NAIF1: variants seen among roughly 807,000 people sequenced by gnomAD.
NAIF1 encodes nuclear apoptosis-inducing factor 1.
In NAIF1, 14 loss-of-function variants were observed where a neutral mutation model predicts 20.7. The ratio of observed to expected loss-of-function variants is 0.67; its 90% CI spans 0.45 to 1.05. The LOEUF is 1.05. Among genes scored for constraint, NAIF1 ranks in the 50% least tolerant of loss-of-function variants. The pLI, the probability that NAIF1 is intolerant of heterozygous loss-of-function variation, is 0.00. For synonymous variants in NAIF1, 191 were observed against 191.4 expected (o/e 1.00, Z 0.02); for missense variants, 362 against 448.8 (o/e 0.81, Z 1.75).
chr9:128,061,697 T>C lies in NAIF1; in HGVS notation c.*1731A>G, dbSNP rs1832719964. On this transcript the variant is annotated 3_prime_UTR_variant, in exon 2 of 2. Coordinates refer to ENST00000373078, the MANE Select transcript of NAIF1 (RefSeq NM_197956.4). The stretch of plus-strand genomic sequence containing the variant: ...TCGTGCCCAGGAGGGCAGCGTCTTC[T>C]CTTTTTAGCTGAGGTCTGGAGCCCT... 6.6e-6 allele frequency: 1 copy of C among 152,222 alleles called. No individual in the cohort carries two copies. Among genetic ancestry groups the C allele is most frequent in the African/African-American group, 2.4e-5 (1 of 41,444 alleles). The allele number at this position is 152,222 out of a possible 1,614,324, so 9.4% of individuals were successfully genotyped here. A position where few individuals can be genotyped will look rare whatever the true frequency, so the allele number is the denominator to read the frequency against.
chr9:128,063,305 G>T lies in NAIF1; in HGVS notation c.*123C>A. The T allele has an allele frequency of 1.2e-6, 1 of 859,896 alleles. No individual in the cohort carries two copies. The highest frequency in any genetic ancestry group is 1.7e-5 in the South Asian group (1 of 60,080). The allele number at this position is 859,896 out of a possible 1,614,324, so 53.3% of individuals were successfully genotyped here. ...TTCTCAAAAACAGTGCAACCCCTAA[G>T]CGTTTATTAAAGAGGGAGCTGTGCA... On this transcript the variant is annotated 3_prime_UTR_variant, in exon 2 of 2. Coordinates refer to ENST00000373078, the MANE Select transcript of NAIF1 (RefSeq NM_197956.4). The surrounding 1 kb of genome is among the most constrained non-coding windows in gnomAD (Gnocchi z 4.3).
chr9:128,061,239 T>C lies in NAIF1; in HGVS notation c.*2189A>G, dbSNP rs941590614. ...CAATAAAGACACAGAGATGTGTGTA[T>C]AAAAAAGTGATATGTCTTTAATTTA... On this transcript the variant is annotated 3_prime_UTR_variant, in exon 2 of 2. Transcript: ENST00000373078. 2.0e-5 allele frequency: 3 copies of C among 152,060 alleles called. No homozygotes were observed. Among genetic ancestry groups the C allele is most frequent in the African/African-American group, 7.2e-5 (3 of 41,396 alleles). 9.4% of individuals were successfully genotyped at this position (152,060 alleles called of 1,614,324 possible). A position where few individuals can be genotyped will look rare whatever the true frequency, so the allele number is the denominator to read the frequency against.
chr9:128,063,684 A>T lies in NAIF1; in HGVS notation c.728T>A (p.Ile243Asn). Residue 243 changes from isoleucine (I) to asparagine (N), a missense_variant, in exon 2 of 2, where the codon ATC becomes AAC. This residue lies in a region of NAIF1 where 300 missense variants were observed against 342.7 expected (regional missense o/e 0.88). Transcript: ENST00000373078. The surrounding 1 kb of genome is among the most constrained non-coding windows in gnomAD (Gnocchi z 4.3). ...GTTCTGCTGTTCCAGGTGCTGTGCG[A>T]TCTCCTTCACATGCAGGTTGGTGAC... ...QRVTNLHVKEIAQHLEQQNDL... is the reference protein window; with the variant it reads ...QRVTNLHVKENAQHLEQQNDL... 6.2e-7 allele frequency: 1 copy of T among 1,614,204 alleles called. No individual in the cohort carries two copies. Among genetic ancestry groups the T allele is most frequent in the Non-Finnish European group, 8.5e-7 (1 of 1,180,044 alleles).
At position 128,063,519 on chromosome 9, in the gene NAIF1, C is replaced by A. The variant is rs752993381; in HGVS notation, c.893G>T (p.Arg298Leu). The A allele has an allele frequency of 1.2e-6, 2 of 1,609,908 alleles. No individual in the cohort carries two copies. Among genetic ancestry groups the A allele is most frequent in the Non-Finnish European group, 1.7e-6 (2 of 1,180,018 alleles). The change falls in exon 2 of 2, where the codon CGC (arginine) becomes CTC (leucine). Residue 298 changes from arginine to leucine, a missense_variant. This residue lies in a region of NAIF1 where 300 missense variants were observed against 342.7 expected (regional missense o/e 0.88). Coordinates refer to ENST00000373078, the MANE Select transcript of NAIF1 (RefSeq NM_197956.4). This position sits in a 1 kb window ranked among gnomAD's most constrained non-coding sequence, Gnocchi z 4.3. ...GTTAGCTGTGTTGCTCTGCAGGTAG[C>A]GGCGGAAATCTTTGATCATAGGCCG... ...VLRPMIKDFR[R>L]YLQSNTANPA...
intron 1 of NAIF1, among the ~76,000 whole-genome samples, chr9:128,064,735 G>C (rs1446658855): frequency 1.3e-5 from 2 of 151,934 alleles, no homozygotes; most frequent in Non-Finnish European, 2.9e-5. Flanking sequence ...GGGCGCGGTG[G>C]CTCACGCTTG....
At position 128,061,276 on chromosome 9, in the gene NAIF1, C is replaced by T. The variant is rs1004268382; in HGVS notation, c.*2152G>A. ...ATGTCTTTAATTTAAAATTATGACC[C>T]GGAAATAACTAGTCAGTTTAAGTGA... On this transcript the variant is annotated 3_prime_UTR_variant, in exon 2 of 2. Transcript: ENST00000373078. 2.0e-5 allele frequency: 3 copies of T among 152,030 alleles called. No individual in the cohort carries two copies. The highest frequency in any genetic ancestry group is 6.6e-5 in the Admixed American group (1 of 15,244). The allele number at this position is 152,030 out of a possible 1,614,324, so 9.4% of individuals were successfully genotyped here. A position where few individuals can be genotyped will look rare whatever the true frequency, so the allele number is the denominator to read the frequency against.
rs974470957 is a variant in NAIF1, at chr9:128,061,655, T to C, written c.*1773A>G. The C allele has an allele frequency of 6.6e-6, 1 of 152,094 alleles. No homozygotes were observed. Among genetic ancestry groups the C allele is most frequent in the Non-Finnish European group, 1.5e-5 (1 of 68,050 alleles). 9.4% of individuals were successfully genotyped at this position (152,094 alleles called of 1,614,324 possible). A position where few individuals can be genotyped will look rare whatever the true frequency, so the allele number is the denominator to read the frequency against. On this transcript the variant is annotated 3_prime_UTR_variant, in exon 2 of 2. Coordinates refer to ENST00000373078, the MANE Select transcript of NAIF1 (RefSeq NM_197956.4). Reference sequence around the variant, plus strand: ...CCTTCCTGTGGTCACAATAGAGGAGTTGAGCATTCTAAACGTTCGTGCCCA... The same window carrying C: ...CCTTCCTGTGGTCACAATAGAGGAGCTGAGCATTCTAAACGTTCGTGCCCA...
rs1176273336 is a variant in NAIF1 at position 128,061,656 on chromosome 9, T to G, written c.*1772A>C. 1.3e-5 allele frequency: 2 copies of G among 152,240 alleles called. No individual in the cohort carries two copies. Among genetic ancestry groups the G allele is most frequent in the Non-Finnish European group, 2.9e-5 (2 of 68,084 alleles). The allele number at this position is 152,240 out of a possible 1,614,324, so 9.4% of individuals were successfully genotyped here. The stretch of plus-strand genomic sequence containing the variant: ...CTTCCTGTGGTCACAATAGAGGAGT[T>G]GAGCATTCTAAACGTTCGTGCCCAG... On this transcript the variant is annotated 3_prime_UTR_variant, in exon 2 of 2. Transcript: ENST00000373078.
rs1232078744 is a variant in NAIF1, at chr9:128,063,575, C to G, written c.837G>C (p.Gln279His). Reference sequence around the variant, plus strand: ...CCTGGATGAGGACGCTCAGGGCAGCCTGTGTGCCCTCCATGGCCTGGGCCT... The same window carrying G: ...CCTGGATGAGGACGCTCAGGGCAGCGTGTGTGCCCTCCATGGCCTGGGCCT... ...ERQAQAMEGT[Q>H]AALSVLIQVL... is the part of the protein sequence containing the mutation. Residue 279 changes from glutamine to histidine, a missense_variant, in exon 2 of 2, where the codon CAG (glutamine) becomes CAC (histidine). Around this residue, in one of 3 missense-constraint regions of NAIF1, gnomAD observed 300 missense variants for 342.7 expected, o/e 0.88. Coordinates refer to ENST00000373078, the MANE Select transcript of NAIF1 (RefSeq NM_197956.4). The surrounding 1 kb of genome is among the most constrained non-coding windows in gnomAD (Gnocchi z 4.3). 6.2e-7 allele frequency: 1 copy of G among 1,612,542 alleles called. No homozygotes were observed. The highest frequency in any genetic ancestry group is 1.1e-5 in the South Asian group (1 of 91,090).
chr9:128,064,812 G>C (rs1007002863), intron 1 of NAIF1, among the ~76,000 whole-genome samples: 1 of 152,070 alleles, frequency 6.6e-6, no homozygotes, highest in Non-Finnish European at 1.5e-5. Context: ...AGACCAGCCT[G>C]ACCAACATGG....
At chr9:128,065,103 C>T (rs1282626390) in intron 1 of NAIF1, among the ~76,000 whole-genome samples, 1 of 133,624 alleles carries the variant, frequency 7.5e-6, no homozygotes, top group Admixed American at 8.4e-5. Context: ...TCCTTTGATG[C>T]TTTCTGCTTT....
Position 128,066,782 on chromosome 9 carries a change from G to A in NAIF1, c.320C>T (p.Pro107Leu). The A allele has an allele frequency of 6.2e-7, 1 of 1,609,984 alleles. No homozygotes were observed. The highest frequency in any genetic ancestry group is 8.5e-7 in the Non-Finnish European group (1 of 1,177,648). The change falls in exon 1 of 2, where the codon CCT becomes CTT. Residue 107 changes from proline to leucine, a missense_variant. Physicochemically the swap from Pro to Leu is moderately conservative, Grantham distance 98 (BLOSUM62 -3). Coordinates refer to ENST00000373078, the MANE Select transcript of NAIF1 (RefSeq NM_197956.4). ...GCCACCACTGCCACCGCCTGTCCCA[G>A]GCCCCCCAGCTCCGTCCTCCTCAGT... ...GPTEEDGAGGPGTGGGSGGGG... is the reference protein window; with the variant it reads ...GPTEEDGAGGLGTGGGSGGGG...
At chr9:128,066,395 G>A in intron 1 of NAIF1, 196 bp downstream of exon 1, 1 of 500,978 alleles carries the variant, frequency 2.0e-6, no homozygotes, top group Non-Finnish European at 3.3e-6. Context: ...CACGTCAGAA[G>A]TCCAGCCCAC....
chr9:128,063,932 G>T lies in NAIF1; in HGVS notation c.512-32C>A. On this transcript the variant is annotated intron_variant, in intron 1 of 1. Transcript: ENST00000373078. The surrounding 1 kb of genome is among the most constrained non-coding windows in gnomAD (Gnocchi z 4.3). ...AGTAGAAAGAACAGAGGCCAAGGGAGGTCACTTTCTGGAAGGAATAAAGCT... is the reference window on the plus strand; with the variant it reads ...AGTAGAAAGAACAGAGGCCAAGGGATGTCACTTTCTGGAAGGAATAAAGCT... The T allele has an allele frequency of 6.3e-7, 1 of 1,580,418 alleles. No individual in the cohort carries two copies. The highest frequency in any genetic ancestry group is 1.1e-5 in the South Asian group (1 of 90,186).
In NAIF1 at chr9:128,064,759, T is replaced by C. The variant is rs900947711; in HGVS notation, c.512-859A>G. ...GGCTCACGCTTGTAATCCCAGCACT[T>C]TGGGAGGCCGAGGTGGGTGGATTAC... On this transcript the variant is annotated intron_variant, in intron 1 of 1. Coordinates refer to ENST00000373078, the MANE Select transcript of NAIF1 (RefSeq NM_197956.4). 5.7e-4 allele frequency among the ~76,000 whole-genome samples: 87 copies of C among 151,716 alleles called. 1 individual carries two copies. Among genetic ancestry groups the C allele is most frequent in the Non-Finnish European group, 2.1e-4 (14 of 67,902 alleles).
Position 128,066,952 on chromosome 9 carries a change from G to A in NAIF1, c.150C>T (p.Gly50=). 6.2e-7 allele frequency: 1 copy of A among 1,612,968 alleles called. No individual in the cohort carries two copies. The highest frequency in any genetic ancestry group is 8.5e-7 in the Non-Finnish European group (1 of 1,179,980). Residue 50 remains glycine (G), a synonymous_variant, in exon 1 of 2, where the codon GGC becomes GGT. Coordinates refer to ENST00000373078, the MANE Select transcript of NAIF1 (RefSeq NM_197956.4). ...PLAAKSAAWH[G]ILRRVNAVAT... is the part of the protein sequence containing the mutation. ...CCACGGCGTTGACCCTTCTCAGGAT[G>A]CCGTGCCAGGCCGCACTCTTGGCGG... is the stretch of plus-strand genomic sequence containing the variant.
chr9:128,065,542 C>T (rs1292774060), intron 1 of NAIF1, among the ~76,000 whole-genome samples: 5 of 152,140 alleles, frequency 3.3e-5, no homozygotes, highest in Non-Finnish European at 7.3e-5. Flanking sequence ...TGGGTCAATC[C>T]GATACTTAAA....
chr9:128,067,211 G>C lies in NAIF1; in HGVS notation c.-110C>G. ...CTCACCCACCCCCTACAGGGGATAGGCCAGGCTTGCTCGAGGCCAAGCACT... is the reference window on the plus strand; with the variant it reads ...CTCACCCACCCCCTACAGGGGATAGCCCAGGCTTGCTCGAGGCCAAGCACT... On this transcript the variant is annotated 5_prime_UTR_variant, in exon 1 of 2. Coordinates refer to ENST00000373078, the MANE Select transcript of NAIF1 (RefSeq NM_197956.4). 7.3e-7 allele frequency: 1 copy of C among 1,365,602 alleles called. No individual in the cohort carries two copies. Among genetic ancestry groups the C allele is most frequent in the Non-Finnish European group, 9.9e-7 (1 of 1,013,792 alleles). The allele number at this position is 1,365,602 out of a possible 1,614,324, so 84.6% of individuals were successfully genotyped here. A position where few individuals can be genotyped will look rare whatever the true frequency, so the allele number is the denominator to read the frequency against.
At chr9:128,066,471 T>C in intron 1 of NAIF1, 120 bp downstream of exon 1, 7 of 1,080,438 alleles carry the variant, frequency 6.5e-6, no homozygotes, top group African/African-American at 1.6e-5. Context: ...GAAGGCCTCA[T>C]GGTCTTCCAA....
Sources: allele counts gnomAD v4.1 joint callset (sites outside exome capture counted in the v4.1 genomes callset), GRCh38; gene constraint gnomAD v4.1.1; regional missense constraint gnomAD v4.1.1; non-coding constraint Gnocchi (gnomAD v3.1); transcripts MANE v1.5; gene names NCBI Gene and HGNC (gene_info 2026-07-23, HGNC 2026-07-21).